The following TBC1D8B variants were observed in gnomAD, a reference collection of about 807,000 sequenced individuals.
TBC1D8B encodes the protein RP11-321G1.1.
TBC1D8B carries 75 observed loss-of-function variants against 82.9 expected under a neutral mutation model. The ratio of observed to expected loss-of-function variants is 0.90; its 90% CI spans 0.75 to 1.10. The LOEUF (loss-of-function observed/expected upper bound fraction) is 1.10, where lower values mean the gene tolerates loss of function less well. Among genes scored for constraint, TBC1D8B ranks in the 50% least tolerant of loss-of-function variants. TBC1D8B has a pLI of 0.00. For synonymous variants in TBC1D8B, 276 were observed against 276.8 expected (o/e 1.00, Z 0.03); for missense variants, 794 against 796.9 (o/e 1.00, Z 0.04).
chrX:106,813,008 C>T (rs1054869534), intron 1 of TBC1D8B, among the ~76,000 whole-genome samples: 1 of 110,619 alleles, frequency 9.0e-6, no homozygotes, highest in Non-Finnish European at 1.9e-5. Context: ...CAGGCACCTG[C>T]CACCATGCCC....
At chrX:106,809,290 A>G (rs1931285007) in intron 1 of TBC1D8B, among the ~76,000 whole-genome samples, 1 of 111,577 alleles carries the variant, frequency 9.0e-6, no homozygotes, top group Non-Finnish European at 1.9e-5. Flanking sequence ...GGGGAGGCAA[A>G]TAAACAAATA....
chrX:106,818,624 TGTAAA>T (rs768130445), intron 1 of TBC1D8B, 34 bp from the exon 2 acceptor site: 1 of 1,025,561 alleles, frequency 9.8e-7, no homozygotes, highest in South Asian at 2.2e-5. Flanking sequence ...ATTTATCTCT[TGTAAA>T]GTCCTTATTT....
intron 14 of TBC1D8B, among the ~76,000 whole-genome samples, chrX:106,855,913 G>A (rs765566203): frequency 3.6e-5 from 4 of 111,202 alleles, no homozygotes; most frequent in African/African-American, 1.3e-4. Context: ...GCACACACTC[G>A]TAGTCCCAGC....
At chrX:106,811,577 A>G (rs1417292877) in intron 1 of TBC1D8B, among the ~76,000 whole-genome samples, 1 of 111,861 alleles carries the variant, frequency 8.9e-6, no homozygotes, top group African/African-American at 3.2e-5. Flanking sequence ...GATTATTATT[A>G]TAATATTAGT....
chrX:106,809,617 C>T (rs1427831139), intron 1 of TBC1D8B, among the ~76,000 whole-genome samples: 1 of 111,203 alleles, frequency 9.0e-6, no homozygotes, highest in Non-Finnish European at 1.9e-5. Flanking sequence ...GGCGCAGTGG[C>T]TCACACCTGT....
chrX:106,866,067 G>A (rs1421024110), intron 16 of TBC1D8B, 34 bp downstream of exon 16: 1 of 1,175,950 alleles, frequency 8.5e-7, no homozygotes, highest in East Asian at 3.0e-5. Context: ...AAAAAAAGGT[G>A]CTCCTAGAAA....
At chrX:106,843,014 G>T (rs1932352609) in intron 10 of TBC1D8B, among the ~76,000 whole-genome samples, 1 of 111,522 alleles carries the variant, frequency 9.0e-6, no homozygotes, top group African/African-American at 3.3e-5. Context: ...CCATGTTGTA[G>T]CATGTATCAG....
intron 1 of TBC1D8B, among the ~76,000 whole-genome samples, chrX:106,809,811 G>T (rs1264750592): frequency 9.4e-6 from 1 of 106,013 alleles, no homozygotes. Flanking sequence ...TGGAACCCAC[G>T]AGGCGGAGGT....
chrX:106,846,812 A>G (rs1932465691), intron 10 of TBC1D8B, among the ~76,000 whole-genome samples: 1 of 112,136 alleles, frequency 8.9e-6, no homozygotes, highest in Admixed American at 9.5e-5. Flanking sequence ...AATGGACATG[A>G]AAGGATTAAT....
chrX:106,819,646 G>A (rs996337314), intron 2 of TBC1D8B, among the ~76,000 whole-genome samples: 8 of 110,120 alleles, frequency 7.3e-5, no homozygotes, highest in African/African-American at 2.3e-4. Flanking sequence ...TTATATTTCC[G>A]CCTAAATTTC....
At chrX:106,852,886 A>C (rs1265849465) in intron 12 of TBC1D8B, among the ~76,000 whole-genome samples, 1 of 111,641 alleles carries the variant, frequency 9.0e-6, no homozygotes, top group African/African-American at 3.3e-5. Flanking sequence ...CTTTTGCCTT[A>C]GGATTGACTT....
chrX:106,853,426 TA>T, intron 12 of TBC1D8B, 94 bp from the exon 13 acceptor site: 1 of 899,915 alleles, frequency 1.1e-6, no homozygotes, highest in Non-Finnish European at 1.6e-6. Context: ...CAGTTGAAAG[TA>T]ACCTCTAACT....
At chrX:106,857,839 A>G (rs1932729129) in intron 14 of TBC1D8B, among the ~76,000 whole-genome samples, 1 of 112,650 alleles carries the variant, frequency 8.9e-6, no homozygotes, top group Non-Finnish European at 1.9e-5. Flanking sequence ...AGTTGATTCC[A>G]TGTCTTTGCT....
chrX:106,816,402 C>T (rs1443392604), intron 1 of TBC1D8B, among the ~76,000 whole-genome samples: 1 of 111,437 alleles, frequency 9.0e-6, no homozygotes, highest in Non-Finnish European at 1.9e-5. Context: ...TTTCTTTTTA[C>T]TTTACCAAAT....
chrX:106,868,226 A>G (rs1032507542), intron 17 of TBC1D8B, among the ~76,000 whole-genome samples, 167 bp from the exon 18 acceptor site: 1 of 110,367 alleles, frequency 9.1e-6, no homozygotes, highest in Non-Finnish European at 1.9e-5. Context: ...CAGTATAATT[A>G]CTATATATTA....
At position 106,827,257 on chromosome X, in the gene TBC1D8B, A is replaced by G; in HGVS notation, c.1123A>G (p.Lys375Glu). Residue 375 changes from lysine to glutamate, a missense_variant, in exon 7 of 21, where the codon AAA (lysine) becomes GAA (glutamate). By Grantham distance (56) the Lys-to-Glu change is moderately conservative. Coordinates refer to ENST00000357242, the MANE Select transcript of TBC1D8B (RefSeq NM_017752.3). ...GKTAFRFHEV[K>E]DFEQLVAKLR... Reference sequence around the variant, plus strand: ...AACAGCTTTTCGCTTCCATGAAGTTAAAGACTTTGAACAACTGGTAGCAAA... The same window carrying G: ...AACAGCTTTTCGCTTCCATGAAGTTGAAGACTTTGAACAACTGGTAGCAAA... 8.3e-7 allele frequency: 1 copy of G among 1,211,324 alleles called. No homozygotes were observed. Among genetic ancestry groups the G allele is most frequent in the Admixed American group, 2.2e-5 (1 of 45,957 alleles).
chrX:106,865,843 G>A lies in TBC1D8B; in HGVS notation c.2472G>A (p.Lys824=), dbSNP rs764889666. The A allele has an allele frequency of 8.3e-7, 1 of 1,209,741 alleles. No homozygotes were observed. Among genetic ancestry groups the A allele is most frequent in the Non-Finnish European group, 1.1e-6 (1 of 894,075 alleles). ...CYWCLGCPVL[K]HHDPSLPYLE... ...GGTGTTTGGGTTGCCCAGTATTGAA[G>A]CATCATGACCCCAGTCTGCCATATT... Residue 824 remains lysine (K), a synonymous_variant, in exon 16 of 21, where the codon AAG becomes AAA. Transcript: ENST00000357242.
intron 7 of TBC1D8B, among the ~76,000 whole-genome samples, chrX:106,838,954 C>T (rs777995912): frequency 8.9e-5 from 10 of 111,795 alleles, no homozygotes; most frequent in African/African-American, 2.6e-4. Flanking sequence ...TTAAAAGACC[C>T]ACAGACTCTT....
intron 10 of TBC1D8B, among the ~76,000 whole-genome samples, chrX:106,842,641 AT>A (rs1932340411): frequency 1.9e-5 from 2 of 102,634 alleles, no homozygotes; most frequent in African/African-American, 8.3e-5. Context: ...CTATCTATCT[AT>A]CTATCTATCT....
Sources: allele counts gnomAD v4.1 joint callset (sites outside exome capture counted in the v4.1 genomes callset), GRCh38; gene constraint gnomAD v4.1.1; transcripts MANE v1.5; gene names NCBI Gene and HGNC (gene_info 2026-07-23, HGNC 2026-07-21).